KIDINS220: variants seen among roughly 807,000 people sequenced by gnomAD.
KIDINS220 encodes the protein kinase D interacting substrate 220, also known as kinase D-interacting substrate of 220 kDa.
In KIDINS220, 63 loss-of-function variants were observed where a neutral mutation model predicts 157.6. The observed-to-expected ratio is 0.40, with a 90% CI of 0.33 to 0.49. The LOEUF is 0.49. Ranked by LOEUF, KIDINS220 falls within the 20% of genes least tolerant of loss-of-function variation. The pLI, the probability that KIDINS220 is intolerant of heterozygous loss-of-function variation, is 0.66. For missense variants in KIDINS220, 1,772 were observed against 2,171.2 expected, an observed-to-expected ratio of 0.82 and a Z score of 3.65; for synonymous variants, 732 against 783.6, an observed-to-expected ratio of 0.93 and a Z score of 1.10.
intron 1 of KIDINS220, among the ~76,000 whole-genome samples, chr2:8,833,832 C>A (rs1680002058): frequency 6.6e-6 from 1 of 152,138 alleles, no homozygotes; most frequent in Middle Eastern, 3.2e-3. Flanking sequence ...TGTAGTAAGT[C>A]CATTTTTAGA....
chr2:8,787,961 C>T (rs1018996670), intron 15 of KIDINS220, among the ~76,000 whole-genome samples: 2 of 152,158 alleles, frequency 1.3e-5, no homozygotes, highest in African/African-American at 4.8e-5. Flanking sequence ...AGGTCTCCAG[C>T]GGGAAGCTCT....
chr2:8,772,912 C>T (rs748936125), intron 21 of KIDINS220, among the ~76,000 whole-genome samples: 6 of 152,168 alleles, frequency 3.9e-5, no homozygotes, highest in Non-Finnish European at 5.9e-5. Flanking sequence ...TAAGAAGTAA[C>T]ATGCCCGTGA....
intron 25 of KIDINS220, chr2:8,747,421 C>A (rs4669335): frequency 0.98 from 557,120 of 571,310 alleles, 271,941 homozygotes; most frequent in South Asian, 1. Context: ...AAATGTCTTT[C>A]TTAGATTCAA....
intron 15 of KIDINS220, among the ~76,000 whole-genome samples, 189 bp from the exon 16 acceptor site, chr2:8,786,546 T>C (rs1672422256): frequency 6.6e-6 from 1 of 152,216 alleles, no homozygotes; most frequent in South Asian, 2.1e-4. Flanking sequence ...TTACATACTT[T>C]TCTTAGGAAA....
In KIDINS220 at chr2:8,731,159, C is replaced by T. The variant is rs1207262678; in HGVS notation, c.4877G>A (p.Arg1626Gln). The change falls in exon 30 of 30, where the codon CGG becomes CAG. Residue 1626 changes from arginine (R) to glutamine (Q), a missense_variant. Arg to Gln is a conservative substitution (Grantham distance 43, BLOSUM62 1). Transcript: ENST00000256707. This position sits in a 1 kb window ranked among gnomAD's most constrained non-coding sequence, Gnocchi z 5.2. ...GCCACTCAGGCTATGTGGGATTCCC[C>T]GCTTTCCGCTGTGACTGTCATCTTC... The part of the protein sequence containing the change: ...ELEDDSHSGK[R>Q]GIPHSLSGLQ... 13 of 1,614,028 alleles carry T rather than the reference C, an allele frequency of 8.1e-6. No homozygotes were observed. The highest frequency in any genetic ancestry group is 2.2e-5 in the South Asian group (2 of 91,084).
In KIDINS220 at chr2:8,736,904, C is replaced by T. The variant is rs778342992; in HGVS notation, c.3681G>A (p.Gln1227=). 32 of 1,614,096 alleles carry T rather than the reference C, an allele frequency of 2.0e-5. No homozygotes were observed. The highest frequency in any genetic ancestry group is 3.3e-4 in the Middle Eastern group (2 of 6,082). The change falls in exon 27 of 30, where the codon CAG becomes CAA. Residue 1227 remains glutamine, a synonymous_variant. Transcript: ENST00000256707. ...TGGTACAATACTGAGGCAGCATACT[C>T]TGGTCCAGCCCTTCTATTTGTTTCA... The part of the protein sequence containing the change: ...EKLKQIEGLD[Q]SMLPQYCTTI...
intron 22 of KIDINS220, among the ~76,000 whole-genome samples, chr2:8,762,886 A>AT (rs1395003994): frequency 6.6e-6 from 1 of 152,226 alleles, no homozygotes; most frequent in Non-Finnish European, 1.5e-5. Context: ...ATCAGAAGTG[A>AT]TTTTTTAAAG....
chr2:8,806,928 C>G (rs1227660333), intron 6 of KIDINS220, among the ~76,000 whole-genome samples: 1 of 152,152 alleles, frequency 6.6e-6, no homozygotes, highest in Non-Finnish European at 1.5e-5. Flanking sequence ...CATAAGGTAA[C>G]ATAGCCCCAA....
At chr2:8,767,341 A>G (rs910129865) in intron 22 of KIDINS220, among the ~76,000 whole-genome samples, 2 of 152,214 alleles carry the variant, frequency 1.3e-5, no homozygotes, top group Non-Finnish European at 2.9e-5. Flanking sequence ...AAAACAAAGA[A>G]TTTCATGAAG....
intron 1 of KIDINS220, among the ~76,000 whole-genome samples, chr2:8,833,479 CTTT>C (rs34083774): frequency 2.5e-4 from 32 of 129,068 alleles, no homozygotes; most frequent in Middle Eastern, 4.0e-3. Context: ...TTAAATTTGT[CTTT>C]TTTTTTTTTT....
At chr2:8,742,092 G>A (rs1665704738) in intron 26 of KIDINS220, among the ~76,000 whole-genome samples, 1 of 152,016 alleles carries the variant, frequency 6.6e-6, no homozygotes, top group Non-Finnish European at 1.5e-5. Context: ...TTCTAAACCA[G>A]TGGTGAAAAT....
At chr2:8,771,184 T>A (rs1315893266) in intron 21 of KIDINS220, among the ~76,000 whole-genome samples, 1 of 152,184 alleles carries the variant, frequency 6.6e-6, no homozygotes, top group African/African-American at 2.4e-5. Context: ...TCACCCACAA[T>A]GGACCCCAAT....
intron 26 of KIDINS220, among the ~76,000 whole-genome samples, chr2:8,739,007 T>A (rs1312366885): frequency 2.6e-5 from 4 of 152,184 alleles, no homozygotes; most frequent in Admixed American, 6.5e-5. Context: ...ACGACAAGTA[T>A]AATAGACACG....
At chr2:8,817,346 A>G (rs4669340) in intron 4 of KIDINS220, among the ~76,000 whole-genome samples, 149,812 of 152,274 alleles carry the variant, frequency 0.98, 73,749 homozygotes, top group Middle Eastern at 1. Context: ...GTTCCAAAAC[A>G]TTGATATATT....
intron 4 of KIDINS220, among the ~76,000 whole-genome samples, chr2:8,815,403 A>G (rs1676925935): frequency 6.6e-6 from 1 of 151,534 alleles, no homozygotes; most frequent in African/African-American, 2.4e-5. Context: ...TCTCAAAAAA[A>G]AAAAAAGAAA....
chr2:8,783,264 G>T (rs1219784476), intron 17 of KIDINS220, among the ~76,000 whole-genome samples: 1 of 149,960 alleles, frequency 6.7e-6, no homozygotes. Context: ...TAAAGCAAAA[G>T]CATTTGACAA....
Position 8,747,195 on chromosome 2 carries a change from T to C in KIDINS220, c.3535A>G (p.Ile1179Val), listed in dbSNP as rs755042243. Reference sequence around the variant, plus strand: ...AGCCCCTCAGCAGCATCCTCCTTGATAACTTCCTAACAACACAAAACAGGA... The same window carrying C: ...AGCCCCTCAGCAGCATCCTCCTTGACAACTTCCTAACAACACAAAACAGGA... ...PRDQNNGLEVIKEDAAEGLSS... is the reference protein window; with the variant it reads ...PRDQNNGLEVVKEDAAEGLSS... The change falls in exon 26 of 30, where the codon ATC becomes GTC. Residue 1179 changes from isoleucine to valine, a missense_variant. Around this residue, in one of 3 missense-constraint regions of KIDINS220, gnomAD observed 793 missense variants for 885.5 expected, o/e 0.90. Transcript: ENST00000256707. 52 of 1,614,046 alleles carry C rather than the reference T, an allele frequency of 3.2e-5. No homozygotes were observed. Among genetic ancestry groups the C allele is most frequent in the Non-Finnish European group, 5.1e-6 (6 of 1,179,988 alleles).
chr2:8,817,913 G>A (rs1212291558), intron 3 of KIDINS220, among the ~76,000 whole-genome samples, 197 bp from the exon 4 acceptor site: 12 of 152,144 alleles, frequency 7.9e-5, no homozygotes, highest in African/African-American at 1.9e-4. Flanking sequence ...TAAGAATGGG[G>A]TAAACATGGC....
At chr2:8,798,095 GTAAAATCAGTGTAACTC>G (rs1310885249) in intron 10 of KIDINS220, 90 bp downstream of exon 10, 7 of 653,546 alleles carry the variant, frequency 1.1e-5, no homozygotes, top group Non-Finnish European at 1.9e-5. Context: ...AATATTACCA[GTAAAATCAGTGTAACTC>G]TAACATCAAA....
Sources: allele counts gnomAD v4.1 joint callset (sites outside exome capture counted in the v4.1 genomes callset), GRCh38; gene constraint gnomAD v4.1.1; regional missense constraint gnomAD v4.1.1; non-coding constraint Gnocchi (gnomAD v3.1); transcripts MANE v1.5; gene names NCBI Gene and HGNC (gene_info 2026-07-23, HGNC 2026-07-21).